LLGL2: variants seen among roughly 807,000 people sequenced by gnomAD.
LLGL2 encodes the protein LLGL2, scribble cell polarity complex component.
In LLGL2, 81 loss-of-function variants were observed where a neutral mutation model predicts 123.2. The observed-to-expected ratio is 0.66, with a 90% CI of 0.55 to 0.79. The LOEUF is 0.79. LLGL2 is among the 30% of genes least tolerant of loss of function. The pLI, the probability that LLGL2 is intolerant of heterozygous loss-of-function variation, is 0.00. For synonymous variants in LLGL2, 577 were observed against 594.1 expected (o/e 0.97, Z 0.42); for missense variants, 1,273 against 1,414.6 (o/e 0.90, Z 1.61).
chr17:75,532,307 G>A (rs1214128076), intron 1 of LLGL2, among the ~76,000 whole-genome samples: 1 of 152,040 alleles, frequency 6.6e-6, no homozygotes, highest in Non-Finnish European at 1.5e-5. Context: ...CTGGAGTACA[G>A]TGGCGCGATC....
rs186876465 is a variant in LLGL2, at chr17:75,564,334, G to A, written c.882-19G>A. On this transcript the variant is annotated intron_variant, in intron 9 of 25. Coordinates refer to ENST00000392550, the MANE Select transcript of LLGL2 (RefSeq NM_001031803.2). This position sits in a 1 kb window ranked among gnomAD's most constrained non-coding sequence, Gnocchi z 4.9. Reference sequence around the variant, plus strand: ...GTGCCAGGAGCCCCAGCCCACTGCCGCTCCTCTGTGCCTGCCAGGTTGCCC... The same window carrying A: ...GTGCCAGGAGCCCCAGCCCACTGCCACTCCTCTGTGCCTGCCAGGTTGCCC... 1.1e-4 allele frequency: 168 copies of A among 1,592,256 alleles called. No individual in the cohort carries two copies. The highest frequency in any genetic ancestry group is 6.9e-4 in the African/African-American group (52 of 74,872).
Position 75,558,433 on chromosome 17 carries a change from C to G in LLGL2, c.256-79C>G. ...AGTGGCCAGGGGGTCTTTTAAACAA[C>G]TGGGGCTGCGTGGCCCCAGTGTGTA... On this transcript the variant is annotated intron_variant, in intron 4 of 25. Transcript: ENST00000392550. The surrounding 1 kb of genome is among the most constrained non-coding windows in gnomAD (Gnocchi z 4.0). 7.6e-7 allele frequency: 1 copy of G among 1,307,284 alleles called. No individual in the cohort carries two copies. The highest frequency in any genetic ancestry group is 1.1e-6 in the Non-Finnish European group (1 of 941,910). The allele number at this position is 1,307,284 out of a possible 1,614,324, so 81.0% of individuals were successfully genotyped here. A position where few individuals can be genotyped will look rare whatever the true frequency, so the allele number is the denominator to read the frequency against.
At chr17:75,555,918 T>A (rs930490782) in intron 2 of LLGL2, 128 bp from the exon 3 acceptor site, 1 of 679,644 alleles carries the variant, frequency 1.5e-6, no homozygotes. Context: ...CACTCAGGTG[T>A]CTGGGAGGAA....
intron 1 of LLGL2, among the ~76,000 whole-genome samples, chr17:75,536,551 G>A (rs1455990700): frequency 1.3e-5 from 2 of 152,140 alleles, no homozygotes; most frequent in Non-Finnish European, 2.9e-5. Context: ...AGGAGCCCAC[G>A]CCTGGTGAGC....
intron 2 of LLGL2, among the ~76,000 whole-genome samples, chr17:75,555,290 CTTTTTT>C (rs79727188): frequency 7.3e-6 from 1 of 136,362 alleles, no homozygotes; most frequent in Non-Finnish European, 1.6e-5. Flanking sequence ...AATTTTTGTT[CTTTTTT>C]TTTTTTTTTT....
chr17:75,532,077 CTTTTT>C (rs1555648013), intron 1 of LLGL2, among the ~76,000 whole-genome samples: 14 of 83,990 alleles, frequency 1.7e-4, no homozygotes, highest in Admixed American at 9.9e-4. Context: ...CACACACACA[CTTTTT>C]TTTTTTTTTT....
Position 75,570,475 on chromosome 17 carries a change from C to T in LLGL2, c.2002C>T (p.His668Tyr). The T allele has an allele frequency of 1.3e-6, 2 of 1,581,988 alleles. No individual in the cohort carries two copies. Among genetic ancestry groups the T allele is most frequent in the Non-Finnish European group, 1.7e-6 (2 of 1,165,608 alleles). Reference sequence around the variant, plus strand: ...GAGCCGGGTGTCCAGCCGGAAGCGGCACCCGGCTGGCCCCCCAGGAGAGGT... The same window carrying T: ...GAGCCGGGTGTCCAGCCGGAAGCGGTACCCGGCTGGCCCCCCAGGAGAGGT... Reference protein sequence around the residue: ...RRSRVSSRKRHPAGPPGEAQE... With the variant: ...RRSRVSSRKRYPAGPPGEAQE... Residue 668 changes from histidine to tyrosine, a missense_variant, in exon 16 of 26, where the codon CAC becomes TAC. Physicochemically the swap from His to Tyr is moderately conservative, Grantham distance 83. Coordinates refer to ENST00000392550, the MANE Select transcript of LLGL2 (RefSeq NM_001031803.2).
intron 1 of LLGL2, among the ~76,000 whole-genome samples, chr17:75,531,672 C>G (rs900750926): frequency 6.6e-6 from 1 of 152,210 alleles, no homozygotes; most frequent in Non-Finnish European, 1.5e-5. Context: ...CGTCCCCCAG[C>G]GGGGCCACCA....
At chr17:75,571,167 C>A in intron 17 of LLGL2, 67 bp downstream of exon 17, 1 of 1,451,860 alleles carries the variant, frequency 6.9e-7, no homozygotes, top group South Asian at 1.2e-5. Flanking sequence ...GACCTGGGGG[C>A]ATGCCGGGGG....
intron 23 of LLGL2, 21 bp from the exon 24 acceptor site, chr17:75,574,432 C>G: frequency 1.3e-6 from 2 of 1,548,612 alleles, no homozygotes; most frequent in East Asian, 2.4e-5. Context: ...CAGTGGGCCT[C>G]TGTTCCCACC....
In LLGL2 at chr17:75,538,197, G is replaced by A. The variant is rs1024800748; in HGVS notation, c.-30-5200G>A. 3.7e-4 allele frequency among the ~76,000 whole-genome samples: 56 copies of A among 152,304 alleles called. 1 individual carries two copies. The highest frequency in any genetic ancestry group is 2.1e-3 in the South Asian group (10 of 4,828). ...ACCATAGTGAATGGGGCCAGGGTGGGGCTGAGTAGATGGAGCAGCCAACAG... is the reference window on the plus strand; with the variant it reads ...ACCATAGTGAATGGGGCCAGGGTGGAGCTGAGTAGATGGAGCAGCCAACAG... On this transcript the variant is annotated intron_variant, in intron 1 of 25. Coordinates refer to ENST00000392550, the MANE Select transcript of LLGL2 (RefSeq NM_001031803.2).
intron 10 of LLGL2, chr17:75,567,817 C>G (rs2055509103): frequency 6.5e-6 from 1 of 153,486 alleles, no homozygotes; most frequent in African/African-American, 2.4e-5. Flanking sequence ...TGGCTCACAC[C>G]TGTAATCCCA....
chr17:75,567,777 A>G (rs2055507151), intron 10 of LLGL2: 1 of 152,114 alleles, frequency 6.6e-6, no homozygotes, highest in African/African-American at 2.4e-5. Flanking sequence ...CCCTGTCTCT[A>G]CCAAAAATAC....
chr17:75,567,185 G>A (rs1477439635), intron 10 of LLGL2, among the ~76,000 whole-genome samples: 1 of 152,210 alleles, frequency 6.6e-6, no homozygotes, highest in Admixed American at 6.5e-5. Flanking sequence ...GGCAGCGTCA[G>A]CCAGGGGCAG....
intron 2 of LLGL2, among the ~76,000 whole-genome samples, chr17:75,555,753 G>A (rs1426985261): frequency 6.6e-6 from 1 of 152,222 alleles, no homozygotes; most frequent in Non-Finnish European, 1.5e-5. Context: ...GTCACCCAGG[G>A]TGCACGTGGT....
chr17:75,535,099 A>G (rs539946701), intron 1 of LLGL2, among the ~76,000 whole-genome samples: 23 of 152,306 alleles, frequency 1.5e-4, no homozygotes, highest in African/African-American at 5.3e-4. Context: ...CGACATGGGC[A>G]CTTGCAAAGC....
At chr17:75,534,296 G>A (rs1190024552) in intron 1 of LLGL2, among the ~76,000 whole-genome samples, 4 of 152,242 alleles carry the variant, frequency 2.6e-5, no homozygotes, top group East Asian at 1.9e-4. Flanking sequence ...TAGGCATGGC[G>A]GGAGGATCCT....
chr17:75,525,195 C>T (rs1425324567), upstream of LLGL2: 4 of 152,244 alleles, frequency 2.6e-5, no homozygotes, highest in South Asian at 2.1e-4. This position sits in a 1 kb window ranked among gnomAD's most constrained non-coding sequence, Gnocchi z 4.8. Context: ...CCCCGCACCC[C>T]CCCCCGAGGA....
At chr17:75,527,605 G>A (rs530686932) in intron 1 of LLGL2, among the ~76,000 whole-genome samples, 72 of 150,016 alleles carry the variant, frequency 4.8e-4, no homozygotes, top group African/African-American at 1.7e-3. Context: ...AAACTAAGTT[G>A]ACCAAATTCT....
Sources: gnomAD v4.1 joint callset for allele counts (sites outside exome capture counted in the v4.1 genomes callset) on GRCh38, gnomAD v4.1.1 for gene constraint, Gnocchi (gnomAD v3.1) non-coding constraint, MANE v1.5 for transcripts, NCBI Gene and HGNC (gene_info 2026-07-23, HGNC 2026-07-21) for gene names.